The following FHAD1 variants were observed in gnomAD, a reference collection of about 807,000 sequenced individuals.
FHAD1 encodes forkhead-associated domain-containing protein 1.
In FHAD1, 146 loss-of-function variants were observed where a neutral mutation model predicts 191.3. The ratio of observed to expected loss-of-function variants is 0.76; its 90% CI spans 0.67 to 0.88. The LOEUF is 0.88. FHAD1 is among the 40% of genes least tolerant of loss of function. The pLI is 0.00. For missense variants in FHAD1, 1,635 were observed against 1,785.8 expected, an observed-to-expected ratio of 0.92 and a Z score of 1.52; for synonymous variants, 616 against 672.3, an observed-to-expected ratio of 0.92 and a Z score of 1.29.
At position 15,313,185 on chromosome 1, in the gene FHAD1, A is replaced by G. The variant is rs1478705938; in HGVS notation, c.1168A>G (p.Arg390Gly). ...CCACCAGCTGGAAGCCCTTGGCTCT[A>G]GAGTGAGTAAGGATGACTGCGTCAC... ...KDHQLEALGS[R>G]CSVLKEELKQ... The change falls in exon 8 of 34, where the codon AGA (arginine) becomes GGA (glycine). Residue 390 changes from arginine (R) to glycine (G), a missense_variant and splice_region_variant. Coordinates refer to ENST00000688493, the MANE Select transcript of FHAD1 (RefSeq NM_001391957.1). The G allele has an allele frequency of 1.3e-6, 2 of 1,551,946 alleles. No homozygotes were observed. Among genetic ancestry groups the G allele is most frequent in the South Asian group, 2.4e-5 (2 of 84,066 alleles).
At chr1:15,271,980 A>G (rs1307943595) in intron 2 of FHAD1, among the ~76,000 whole-genome samples, 1 of 152,216 alleles carries the variant, frequency 6.6e-6, no homozygotes, top group African/African-American at 2.4e-5. Context: ...AACAAAAACA[A>G]AAAGAAAAGA....
chr1:15,344,046 A>G (rs1210807096), intron 16 of FHAD1, among the ~76,000 whole-genome samples: 1 of 151,986 alleles, frequency 6.6e-6, no homozygotes, highest in South Asian at 2.1e-4. Flanking sequence ...AAACCTGAAA[A>G]CCTCGGTGCA....
intron 18 of FHAD1, among the ~76,000 whole-genome samples, chr1:15,347,507 C>T (rs1035781056): frequency 3.3e-5 from 5 of 152,176 alleles, no homozygotes; most frequent in South Asian, 2.1e-4. Flanking sequence ...TGGAGTGCAG[C>T]GGCATGATCT....
Position 15,369,403 on chromosome 1 carries a change from C to A in FHAD1, c.3348C>A (p.Asn1116Lys). ...AAGAGAAACACAGACTCCAGCTGAA[C>A]ACAGAGAAGGAACAGAAGCCCCGGA... Reference protein sequence around the residue: ...ASQEKHRLQLNTEKEQKPRKK... With the variant: ...ASQEKHRLQLKTEKEQKPRKK... Residue 1116 changes from asparagine (N) to lysine (K), a missense_variant, in exon 26 of 34, where the codon AAC (asparagine) becomes AAA (lysine). By Grantham distance (94) the Asn-to-Lys change is moderately conservative (BLOSUM62 0). Coordinates refer to ENST00000688493, the MANE Select transcript of FHAD1 (RefSeq NM_001391957.1). 1 of 1,552,018 alleles carries A rather than the reference C, an allele frequency of 6.4e-7. No homozygotes were observed. Among genetic ancestry groups the A allele is most frequent in the South Asian group, 1.2e-5 (1 of 84,066 alleles).
intron 18 of FHAD1, among the ~76,000 whole-genome samples, chr1:15,345,932 C>T (rs965836079): frequency 6.6e-6 from 1 of 152,136 alleles, no homozygotes; most frequent in African/African-American, 2.4e-5. Flanking sequence ...GTTCTCCACC[C>T]CAGGACAGTC....
At chr1:15,391,845 A>G (rs1008797770) in intron 33 of FHAD1, among the ~76,000 whole-genome samples, 4 of 152,174 alleles carry the variant, frequency 2.6e-5, no homozygotes, top group Admixed American at 2.6e-4. Flanking sequence ...GAGGGTAGAG[A>G]GTGTCCCCAG....
chr1:15,336,282 G>C (rs535679544), intron 14 of FHAD1, among the ~76,000 whole-genome samples: 1 of 152,222 alleles, frequency 6.6e-6, no homozygotes, highest in African/African-American at 2.4e-5. Flanking sequence ...TCTTGGCATA[G>C]CACTGGCACG....
chr1:15,339,633 G>GTT, intron 15 of FHAD1, 82 bp downstream of exon 15: 5 of 554,610 alleles, frequency 9.0e-6, no homozygotes, highest in South Asian at 7.1e-5. Context: ...TTTGAAACCT[G>GTT]TTTTTTCTTT....
At position 15,367,605 on chromosome 1, in the gene FHAD1, C is replaced by G. The variant is rs1431666532; in HGVS notation, c.3297C>G (p.Ala1099=). The change falls in exon 25 of 34, where the codon GCC becomes GCG. Residue 1099 remains alanine (A), a synonymous_variant. Coordinates refer to ENST00000688493, the MANE Select transcript of FHAD1 (RefSeq NM_001391957.1). ...LVEKKDRELK[A]LEEALRASQE... ...AAAAGAAAGATCGGGAGCTGAAGGC[C>G]CTTGAGGAGGCACTCAGGTTGGGTG... is the stretch of plus-strand genomic sequence containing the variant. 7.0e-7 allele frequency: 1 copy of G among 1,434,136 alleles called. No homozygotes were observed. The highest frequency in any genetic ancestry group is 1.5e-5 in the African/African-American group (1 of 68,590). 88.8% of individuals were successfully genotyped at this position (1,434,136 alleles called of 1,614,324 possible).
rs915489194 is a variant in FHAD1 at position 15,312,699 on chromosome 1, G to A, written c.1040-358G>A. ...GACTGAGCTAGTAAGTGCTAGAGACGGTTTCCAAACTCAGATGAGTGTGAA... is the reference window on the plus strand; with the variant it reads ...GACTGAGCTAGTAAGTGCTAGAGACAGTTTCCAAACTCAGATGAGTGTGAA... On this transcript the variant is annotated intron_variant, in intron 7 of 33. Coordinates refer to ENST00000688493, the MANE Select transcript of FHAD1 (RefSeq NM_001391957.1). This position sits in a 1 kb window ranked among gnomAD's most constrained non-coding sequence, Gnocchi z 4.7. Among the ~76,000 whole-genome samples the A allele has an allele frequency of 1.3e-5, 2 of 152,094 alleles. No homozygotes were observed. Among genetic ancestry groups the A allele is most frequent in the Non-Finnish European group, 2.9e-5 (2 of 68,014 alleles).
At chr1:15,294,473 A>C (rs1666242690) in intron 4 of FHAD1, among the ~76,000 whole-genome samples, 1 of 152,108 alleles carries the variant, frequency 6.6e-6, no homozygotes, top group Non-Finnish European at 1.5e-5. Flanking sequence ...GGCTCACTGC[A>C]ACCTCTACCT....
chr1:15,280,736 C>G (rs556355257), intron 3 of FHAD1, among the ~76,000 whole-genome samples: 2 of 152,338 alleles, frequency 1.3e-5, no homozygotes, highest in South Asian at 4.1e-4. Flanking sequence ...CAGGCCGAGT[C>G]TAGGGTAGAA....
Position 15,360,673 on chromosome 1 carries a change from G to A in FHAD1, c.2932G>A (p.Glu978Lys), listed in dbSNP as rs372934958. 4.3e-5 allele frequency: 67 copies of A among 1,551,650 alleles called. No individual in the cohort carries two copies. Among genetic ancestry groups the A allele is most frequent in the Admixed American group, 7.8e-5 (4 of 50,980 alleles). Residue 978 changes from glutamate (E) to lysine (K), a missense_variant, in exon 22 of 34, where the codon GAG (glutamate) becomes AAG (lysine). By Grantham distance (56) the Glu-to-Lys change is moderately conservative. Coordinates refer to ENST00000688493, the MANE Select transcript of FHAD1 (RefSeq NM_001391957.1). ...VTQHHKKIEG[E>K]IATLKDNDPA... is the part of the protein sequence containing the mutation. Reference sequence around the variant, plus strand: ...TCAGCACCATAAAAAAATAGAAGGCGAGATTGCAACATTGAAGGACAATGA... The same window carrying A: ...TCAGCACCATAAAAAAATAGAAGGCAAGATTGCAACATTGAAGGACAATGA...
chr1:15,397,051 C>T (rs1883425), intron 33 of FHAD1, among the ~76,000 whole-genome samples: 6,131 of 142,154 alleles, frequency 0.043, 407 homozygotes, highest in African/African-American at 0.15. Context: ...ATTAGCTGGG[C>T]GTGGTGGCGG....
intron 3 of FHAD1, among the ~76,000 whole-genome samples, chr1:15,288,213 G>A (rs781762626): frequency 6.6e-6 from 1 of 152,158 alleles, no homozygotes; most frequent in Non-Finnish European, 1.5e-5. Context: ...TCACACAAAG[G>A]GTCATGGTGA....
intron 10 of FHAD1, 114 bp from the exon 11 acceptor site, chr1:15,324,338 A>G: frequency 1.2e-6 from 1 of 800,468 alleles, no homozygotes; most frequent in Non-Finnish European, 2.1e-6. Context: ...CATGGGCTGC[A>G]GCTGTGCCTA....
Position 15,272,321 on chromosome 1 carries a change from A to C in FHAD1, c.94-2A>C. On this transcript the variant is annotated splice_acceptor_variant, in intron 2 of 33. Transcript: ENST00000688493. LOFTEE classifies it high-confidence loss of function. ...TACGACTGTCCTCCTTCTCCGTTGC[A>C]GTCTCCTGACATCGACAACCACCAT... The C allele has an allele frequency of 6.5e-7, 1 of 1,547,340 alleles. No individual in the cohort carries two copies. Among genetic ancestry groups the C allele is most frequent in the African/African-American group, 1.4e-5 (1 of 73,120 alleles).
chr1:15,241,339 C>A (rs1279318503), intron 1 of FHAD1, among the ~76,000 whole-genome samples: 3 of 152,160 alleles, frequency 2.0e-5, no homozygotes, highest in Admixed American at 2.0e-4. Context: ...TTTGTAGGAT[C>A]CCATTTACAT....
At chr1:15,369,641 C>A in intron 26 of FHAD1, 139 bp downstream of exon 26, 1 of 952,838 alleles carries the variant, frequency 1.0e-6, no homozygotes, top group Non-Finnish European at 1.6e-6. Flanking sequence ...AAGTAAATCG[C>A]AGAATACTGC....
Sources: allele counts gnomAD v4.1 joint callset (sites outside exome capture counted in the v4.1 genomes callset), GRCh38; gene constraint gnomAD v4.1.1; non-coding constraint Gnocchi (gnomAD v3.1); transcripts MANE v1.5; gene names NCBI Gene and HGNC (gene_info 2026-07-23, HGNC 2026-07-21).